PHIP: variants seen among roughly 807,000 people sequenced by gnomAD.
The protein encoded by PHIP is PHIP subunit of CUL4-Ring ligase complex, also known as PH-interacting protein.
A neutral mutation model predicts 236.8 loss-of-function variants in PHIP; 54 were observed. The ratio of observed to expected loss-of-function variants is 0.23; its 90% CI spans 0.18 to 0.29. The LOEUF (loss-of-function observed/expected upper bound fraction) is 0.29. PHIP is among the 10% of genes least tolerant of loss of function. PHIP has a pLI of 1.00. For missense variants in PHIP, 1,370 were observed against 2,190.8 expected (o/e 0.63, Z 7.48); for synonymous variants, 756 against 718.9 (o/e 1.05, Z -0.83).
chr6:78,937,318 AAATT>A lies in PHIP; in HGVS notation c.*3371_*3374del, dbSNP rs1403205126. ...TTGAAGTAAACATTGTTAACTGGAG[AAATT>A]AATTTATATTACAAATCATATCTGA... On this transcript the variant is annotated 3_prime_UTR_variant, in exon 40 of 40. Transcript: ENST00000275034. 6.6e-6 allele frequency: 1 copy of A among 151,764 alleles called. No individual in the cohort carries two copies. Among genetic ancestry groups the A allele is most frequent in the African/African-American group, 2.4e-5 (1 of 41,430 alleles). The allele number at this position is 151,764 out of a possible 1,614,324, so 9.4% of individuals were successfully genotyped here.
chr6:78,986,186 G>T (rs1768857864), intron 21 of PHIP, among the ~76,000 whole-genome samples: 1 of 152,028 alleles, frequency 6.6e-6, no homozygotes, highest in Non-Finnish European at 1.5e-5. Flanking sequence ...ATATAAAAAA[G>T]GATGTTCCAC....
intron 7 of PHIP, among the ~76,000 whole-genome samples, chr6:79,028,524 C>A (rs1771513286): frequency 6.6e-6 from 1 of 152,218 alleles, no homozygotes; most frequent in Non-Finnish European, 1.5e-5. Context: ...CAGACTATGA[C>A]TCCCAGAAAG....
rs755427015 is a variant in PHIP at position 78,965,690 on chromosome 6, AAC to A, written c.3379+11_3379+12del. 2 of 1,461,150 alleles carry A rather than the reference AAC, an allele frequency of 1.4e-6. No individual in the cohort carries two copies. Among genetic ancestry groups the A allele is most frequent in the African/African-American group, 1.4e-5 (1 of 71,640 alleles). 90.5% of individuals were successfully genotyped at this position (1,461,150 alleles called of 1,614,324 possible). A position where few individuals can be genotyped will look rare whatever the true frequency, so the allele number is the denominator to read the frequency against. ...TCCATAATGGAGAAACAAAAAGCCT[AAC>A]ACACACTTACCATTATTAGGTATAA... On this transcript the variant is annotated intron_variant, in intron 29 of 39. Coordinates refer to ENST00000275034, the MANE Select transcript of PHIP (RefSeq NM_017934.7).
intron 7 of PHIP, among the ~76,000 whole-genome samples, chr6:79,037,568 AAAT>A (rs1271142419): frequency 4.6e-5 from 7 of 152,160 alleles, no homozygotes; most frequent in South Asian, 2.1e-4. Context: ...GCTAATTAAA[AAAT>A]AATAATAATA....
intron 4 of PHIP, among the ~76,000 whole-genome samples, chr6:79,073,188 T>A (rs1250019490): frequency 6.6e-6 from 1 of 152,194 alleles, no homozygotes; most frequent in Admixed American, 6.5e-5. Flanking sequence ...AGTTTGTAAA[T>A]GCCTCAAATT....
intron 6 of PHIP, among the ~76,000 whole-genome samples, chr6:79,050,974 T>G (rs1050436464): frequency 2.6e-5 from 4 of 152,182 alleles, no homozygotes; most frequent in African/African-American, 9.7e-5. Flanking sequence ...TTGTGTAATC[T>G]TTCCCACTGA....
Position 78,946,497 on chromosome 6 carries a change from T to C in PHIP, c.4370+214A>G, listed in dbSNP as rs1017830951. ...TGCCATCACTATCCTAAAAATGCTG[T>C]TTTACTGTATAGATTTAGCAGTTTG... On this transcript the variant is annotated intron_variant, in intron 37 of 39. Coordinates refer to ENST00000275034, the MANE Select transcript of PHIP (RefSeq NM_017934.7). The C allele has an allele frequency of 2.2e-6, 3 of 1,394,828 alleles. No individual in the cohort carries two copies. The African/African-American group carries it at 4.4e-5, about 20-fold the overall frequency. 86.4% of individuals were successfully genotyped at this position (1,394,828 alleles called of 1,614,324 possible). A position where few individuals can be genotyped will look rare whatever the true frequency, so the allele number is the denominator to read the frequency against.
At chr6:78,947,090 G>A (rs1180132234) in intron 36 of PHIP, among the ~76,000 whole-genome samples, 1 of 152,024 alleles carries the variant, frequency 6.6e-6, no homozygotes, top group East Asian at 1.9e-4. Context: ...TCCAAGTTTT[G>A]AGATTCTTAA....
chr6:78,964,631 T>G (rs1582120638), intron 29 of PHIP, among the ~76,000 whole-genome samples: 1 of 152,126 alleles, frequency 6.6e-6, no homozygotes, highest in Admixed American at 6.5e-5. Context: ...TAGCTGGGAC[T>G]ACAGGCACAC....
chr6:78,980,296 A>G (rs1430334898), intron 23 of PHIP, among the ~76,000 whole-genome samples: 2 of 152,142 alleles, frequency 1.3e-5, no homozygotes, highest in East Asian at 3.9e-4. Context: ...CCCTAGGGAG[A>G]AACAAGGAGA....
chr6:78,990,010 A>T (rs943563090), intron 20 of PHIP, among the ~76,000 whole-genome samples: 1 of 152,182 alleles, frequency 6.6e-6, no homozygotes, highest in African/African-American at 2.4e-5. Flanking sequence ...AGTATTTTGA[A>T]GAGATGAGTA....
intron 38 of PHIP, 142 bp from the exon 39 acceptor site, chr6:78,945,639 A>C: frequency 1.5e-6 from 1 of 651,240 alleles, no homozygotes; most frequent in Admixed American, 2.4e-5. Context: ...CTACTTTCTA[A>C]TAGGAAAAAG....
intron 6 of PHIP, among the ~76,000 whole-genome samples, chr6:79,054,571 G>GA (rs939335079): frequency 4.0e-5 from 6 of 150,716 alleles, no homozygotes; most frequent in Non-Finnish European, 8.9e-5. Flanking sequence ...AAGTGAACAG[G>GA]AAAAAAACCC....
intron 31 of PHIP, among the ~76,000 whole-genome samples, chr6:78,959,666 T>G (rs924985219): frequency 4.6e-5 from 7 of 152,164 alleles, no homozygotes; most frequent in African/African-American, 1.7e-4. Flanking sequence ...CAGAGTTTAT[T>G]ATCAGGTTGG....
chr6:79,057,014 A>G (rs138732601), intron 6 of PHIP, among the ~76,000 whole-genome samples: 5 of 152,324 alleles, frequency 3.3e-5, no homozygotes, highest in African/African-American at 1.2e-4. Context: ...TTAAACGGAC[A>G]TAAGAAATGA....
chr6:78,974,778 A>T (rs919642041), intron 24 of PHIP, among the ~76,000 whole-genome samples: 1 of 151,906 alleles, frequency 6.6e-6, no homozygotes, highest in African/African-American at 2.4e-5. Context: ...TCTAGAAGAA[A>T]TGGATAAATT....
intron 10 of PHIP, 62 bp downstream of exon 10, chr6:79,019,027 C>T: frequency 1.8e-6 from 2 of 1,101,418 alleles, no homozygotes; most frequent in Non-Finnish European, 2.8e-6. Context: ...ATATTACACA[C>T]TCCACTATAA....
chr6:78,961,906 T>C, intron 30 of PHIP, 96 bp from the exon 31 acceptor site: 1 of 879,182 alleles, frequency 1.1e-6, no homozygotes. Flanking sequence ...AGTCCTAATC[T>C]ACATAATCAT....
At position 78,970,828 on chromosome 6, in the gene PHIP, A is replaced by G. The variant is rs756170400; in HGVS notation, c.2950T>C (p.Tyr984His). The G allele has an allele frequency of 7.4e-6, 12 of 1,611,972 alleles. No homozygotes were observed. In the Admixed American group the frequency reaches 1.3e-4, roughly 18 times the overall value. ...GGTTGTTTTTTGGGATTGATACTAT[A>G]TATTTTATTTTTCCGGGCCATTTCG... is the stretch of plus-strand genomic sequence containing the variant. ...YVEMARKNKI[Y>H]SINPKKQPWH... Residue 984 changes from tyrosine (Y) to histidine (H), a missense_variant, in exon 25 of 40, where the codon TAT becomes CAT. Physicochemically the swap from Tyr to His is moderately conservative, Grantham distance 83. Coordinates refer to ENST00000275034, the MANE Select transcript of PHIP (RefSeq NM_017934.7).
Sources: allele counts gnomAD v4.1 joint callset (sites outside exome capture counted in the v4.1 genomes callset), GRCh38; gene constraint gnomAD v4.1.1; transcripts MANE v1.5; gene names NCBI Gene and HGNC (gene_info 2026-07-23, HGNC 2026-07-21).